Variants in PCDH11Y observed in about 807,000 individuals in gnomAD.
PCDH11Y encodes the protein protocadherin-11 Y-linked.
For missense variants in PCDH11Y, 12 were observed against 224.8 expected, an observed-to-expected ratio of 0.05 and a Z score of 6.05; for synonymous variants, 9 against 83.6, an observed-to-expected ratio of 0.11 and a Z score of 4.87.
intron 4 of PCDH11Y, among the ~76,000 whole-genome samples, chrY:5,673,970 A>G: frequency 3.1e-5 from 1 of 31,868 alleles, no homozygotes. Context: ...CATTTTCTAT[A>G]TGGCATATTC....
rs200367304 is a variant in PCDH11Y, at chrY:5,623,605, G to T, written c.3352+41807G>T. Among the ~76,000 whole-genome samples, 59 of 33,047 alleles carry T rather than the reference G, an allele frequency of 1.8e-3. No individual in the cohort carries two copies. The East Asian group carries it at 0.044, about 25-fold the overall frequency. The allele number at this position is 33,047 out of a possible 37,273, so 88.7% of individuals were successfully genotyped here. A position where few individuals can be genotyped will look rare whatever the true frequency, so the allele number is the denominator to read the frequency against. The stretch of plus-strand genomic sequence containing the variant: ...AATGACCTCTAGCTCCATTCATACT[G>T]CTGCAAAGGTCACAATCTCACTTGT... On this transcript the variant is annotated intron_variant, in intron 4 of 4. Transcript: ENST00000400457.
intron 2 of PCDH11Y, among the ~76,000 whole-genome samples, chrY:5,397,941 A>C: frequency 3.0e-5 from 1 of 33,677 alleles, no homozygotes; most frequent in Admixed American, 2.7e-4. Flanking sequence ...CAAAACAAAG[A>C]AACCTTATGA....
intron 4 of PCDH11Y, among the ~76,000 whole-genome samples, chrY:5,642,899 T>C (rs2053524076): frequency 6.0e-5 from 2 of 33,351 alleles, no homozygotes; most frequent in African/African-American, 2.3e-4. Context: ...TGAACACTTA[T>C]CTTTTCTTTT....
chrY:5,496,132 A>G (rs2124687392), intron 2 of PCDH11Y, among the ~76,000 whole-genome samples: 11 of 33,827 alleles, frequency 3.3e-4, no homozygotes, highest in Admixed American at 3.0e-3. Flanking sequence ...CAGTCAATAG[A>G]TTTGTTTTAA....
intron 2 of PCDH11Y, among the ~76,000 whole-genome samples, chrY:5,289,540 G>C: frequency 3.0e-5 from 1 of 33,523 alleles, no homozygotes; most frequent in Non-Finnish European, 7.4e-5. Flanking sequence ...AGGGACATTG[G>C]GGGTGCACTC....
chrY:5,385,251 GCAGCA>G (rs2053212250), intron 2 of PCDH11Y, among the ~76,000 whole-genome samples: 1 of 26,810 alleles, frequency 3.7e-5, no homozygotes, highest in Non-Finnish European at 8.5e-5. Flanking sequence ...AATCTCCCAA[GCAGCA>G]TACATTGAAC....
intron 2 of PCDH11Y, among the ~76,000 whole-genome samples, chrY:5,368,949 T>C: frequency 3.0e-5 from 1 of 33,150 alleles, no homozygotes; most frequent in African/African-American, 1.2e-4. Flanking sequence ...TGTAGCCCCC[T>C]TTTTTTAGAC....
chrY:5,094,376 C>T, intron 1 of PCDH11Y, among the ~76,000 whole-genome samples: 1 of 32,123 alleles, frequency 3.1e-5, no homozygotes, highest in Admixed American at 2.9e-4. Flanking sequence ...ATAGTAAGCT[C>T]ATGTTGGTAC....
chrY:5,616,394 G>A (rs2053493789), intron 4 of PCDH11Y, among the ~76,000 whole-genome samples: 1 of 33,063 alleles, frequency 3.0e-5, no homozygotes, highest in Non-Finnish European at 7.4e-5. Flanking sequence ...AAGTGTAGGG[G>A]AAATTCTGCC....
chrY:5,622,221 C>A, intron 4 of PCDH11Y, among the ~76,000 whole-genome samples: 1 of 29,591 alleles, frequency 3.4e-5, no homozygotes, highest in Non-Finnish European at 8.0e-5. Context: ...AAAACAAACA[C>A]CTTCATAAAA....
intron 2 of PCDH11Y, among the ~76,000 whole-genome samples, chrY:5,429,869 C>T (rs2053266958): frequency 3.2e-5 from 1 of 31,163 alleles, no homozygotes; most frequent in Non-Finnish European, 7.7e-5. Flanking sequence ...GGGGTCCCAC[C>T]ATGTTGCCCA....
At chrY:5,245,489 C>A in intron 2 of PCDH11Y, among the ~76,000 whole-genome samples, 6 of 31,552 alleles carry the variant, frequency 1.9e-4, no homozygotes, top group Non-Finnish European at 3.8e-4. Context: ...TGAAGTGAAC[C>A]CCCAGAAAAC....
At chrY:5,439,627 G>T in intron 2 of PCDH11Y, among the ~76,000 whole-genome samples, 1 of 33,236 alleles carries the variant, frequency 3.0e-5, no homozygotes, top group Non-Finnish European at 7.5e-5. Flanking sequence ...TTCCAATTTA[G>T]GTACCAAAAC....
At chrY:5,229,400 C>G in intron 2 of PCDH11Y, among the ~76,000 whole-genome samples, 6 of 24,815 alleles carry the variant, frequency 2.4e-4, no homozygotes, top group African/African-American at 3.2e-4. Flanking sequence ...ACTGCAAGCT[C>G]CACCTCCCAG....
intron 3 of PCDH11Y, among the ~76,000 whole-genome samples, chrY:5,571,331 T>C: frequency 3.5e-5 from 1 of 28,534 alleles, no homozygotes; most frequent in East Asian, 9.6e-4. Context: ...TTTTTCTTTA[T>C]GGATTTTAAA....
chrY:5,520,080 G>A (rs2053378764), intron 3 of PCDH11Y, among the ~76,000 whole-genome samples: 1 of 29,209 alleles, frequency 3.4e-5, no homozygotes, highest in Non-Finnish European at 8.0e-5. Context: ...TCAGCAGGAC[G>A]TGGCAGTGGG....
chrY:5,537,722 C>T (rs2053401882), intron 3 of PCDH11Y, among the ~76,000 whole-genome samples: 1 of 33,003 alleles, frequency 3.0e-5, no homozygotes, highest in Admixed American at 2.8e-4. Flanking sequence ...CAGCTCTATA[C>T]CTCTGTTGAG....
chrY:5,518,804 T>G, intron 3 of PCDH11Y, among the ~76,000 whole-genome samples: 3 of 31,858 alleles, frequency 9.4e-5, no homozygotes, highest in Admixed American at 2.9e-4. Flanking sequence ...GTTGAATGAG[T>G]TCATGAGTCA....
chrY:5,196,397 C>A, intron 2 of PCDH11Y, among the ~76,000 whole-genome samples: 1 of 32,930 alleles, frequency 3.0e-5, no homozygotes, highest in South Asian at 6.7e-4. Context: ...ACATGTAAGA[C>A]ATACTTTAGA....
Sources: gnomAD v4.1 joint callset for allele counts (sites outside exome capture counted in the v4.1 genomes callset) on GRCh38, gnomAD v4.1.1 for gene constraint, MANE v1.5 for transcripts, NCBI Gene and HGNC (gene_info 2026-07-23, HGNC 2026-07-21) for gene names.